The following GPT2 variants were observed in gnomAD, a reference collection of about 807,000 sequenced individuals.
The protein encoded by GPT2 is glutamic--pyruvic transaminase 2, also known as alanine aminotransferase 2.
Under a neutral mutation model 56.9 loss-of-function variants are expected in GPT2, and 30 were observed. The observed-to-expected ratio is 0.53, with a 90% CI of 0.39 to 0.72. The LOEUF is 0.72. Among genes scored for constraint, GPT2 ranks in the 30% least tolerant of loss-of-function variants. The probability of loss-of-function intolerance (pLI) is 0.00; values close to 1 mark genes in which losing one functional copy is unlikely to be tolerated. For missense variants in GPT2, 542 were observed against 703.4 expected (o/e 0.77, Z 2.60); for synonymous variants, 271 against 283.1 (o/e 0.96, Z 0.43).
intron 8 of GPT2, among the ~76,000 whole-genome samples, chr16:46,920,793 G>A (rs1326169137): frequency 6.6e-6 from 1 of 151,978 alleles, no homozygotes; most frequent in East Asian, 1.9e-4. Flanking sequence ...CTTTTGCTCT[G>A]TAGCTCTTTT....
intron 10 of GPT2, 35 bp downstream of exon 10, chr16:46,924,579 C>G (rs757510114): frequency 2.7e-5 from 44 of 1,608,406 alleles, no homozygotes; most frequent in Non-Finnish European, 3.7e-5. Flanking sequence ...TCTCTCTTAC[C>G]AGGTTCACCT....
At chr16:46,925,120 C>T (rs775485457) in intron 10 of GPT2, among the ~76,000 whole-genome samples, 6 of 151,990 alleles carry the variant, frequency 3.9e-5, no homozygotes, top group Admixed American at 6.6e-5. Flanking sequence ...CTTTGTTGCC[C>T]GGGCTGGTTG....
rs778445616 is a variant in GPT2, at chr16:46,897,690, G to A, written c.286G>A (p.Gly96Arg). The A allele has an allele frequency of 1.7e-5, 28 of 1,613,982 alleles. No individual in the cohort carries two copies. The Admixed American group carries it at 4.0e-4, about 23-fold the overall frequency. The change falls in exon 3 of 12, where the codon GGG (glycine) becomes AGG (arginine). Residue 96 changes from glycine to arginine, a missense_variant. Physicochemically the swap from Gly to Arg is moderately radical, Grantham distance 125. Coordinates refer to ENST00000340124, the MANE Select transcript of GPT2 (RefSeq NM_133443.4). Reference protein sequence around the residue: ...PFTEVIRANIGDAQAMGQQPI... With the variant: ...PFTEVIRANIRDAQAMGQQPI... ...CACAGAGGTCATCCGAGCCAACATC[G>A]GGGACGCCCAGGCTATGGGGCAGCA...
At chr16:46,896,707 C>T (rs762517407) in intron 2 of GPT2, among the ~76,000 whole-genome samples, 3 of 152,166 alleles carry the variant, frequency 2.0e-5, no homozygotes, top group Admixed American at 6.5e-5. Context: ...ACACATCTGG[C>T]CCGGAGCTGC....
intron 7 of GPT2, 34 bp from the exon 8 acceptor site, chr16:46,918,587 C>A (rs936258040): frequency 4.3e-6 from 7 of 1,610,292 alleles, no homozygotes; most frequent in African/African-American, 1.3e-5. Context: ...TCTTTGAGGA[C>A]CCTTTGGTGA....
chr16:46,906,138 A>G (rs1000008639), intron 4 of GPT2, among the ~76,000 whole-genome samples: 5 of 152,110 alleles, frequency 3.3e-5, no homozygotes, highest in Admixed American at 2.6e-4. Flanking sequence ...CAGTGGTGTC[A>G]TCATAGCTCA....
chr16:46,884,832 C>G lies in GPT2; in HGVS notation c.117C>G (p.Pro39=). 7 of 1,540,220 alleles carry G rather than the reference C, an allele frequency of 4.5e-6. No homozygotes were observed. Among genetic ancestry groups the G allele is most frequent in the Non-Finnish European group, 6.1e-6 (7 of 1,143,422 alleles). Residue 39 remains proline (P), a synonymous_variant, in exon 2 of 12, where the codon CCC becomes CCG. Coordinates refer to ENST00000340124, the MANE Select transcript of GPT2 (RefSeq NM_133443.4). ...AEASAVLKVR[P]ERSRRERILT... ...CCTCGGCGGTGCTCAAGGTGCGGCC[C>G]GAGCGCAGCCGGCGCGAGCGCATCC... is the stretch of plus-strand genomic sequence containing the variant.
intron 3 of GPT2, among the ~76,000 whole-genome samples, chr16:46,899,035 A>ATTT (rs1188592006): frequency 5.2e-5 from 4 of 77,176 alleles, no homozygotes; most frequent in African/African-American, 2.7e-4. Context: ...ATATATATAT[A>ATTT]TTTTTTTTTT....
chr16:46,890,907 C>G (rs997648945), intron 2 of GPT2, among the ~76,000 whole-genome samples: 3 of 152,012 alleles, frequency 2.0e-5, no homozygotes, highest in Non-Finnish European at 4.4e-5. Context: ...GAGTTTCGCT[C>G]TTGTTGCCCA....
Position 46,885,537 on chromosome 16 carries a change from G to A in GPT2, c.243+579G>A, listed in dbSNP as rs964783507. On this transcript the variant is annotated intron_variant, in intron 2 of 11. Transcript: ENST00000340124. ...TTCCTTTAGGCCCCTCTGGAGCCTT[G>A]GCCGACCAGCCACTTCTGTGGTCTG... The A allele has an allele frequency of 2.9e-5, 29 of 985,130 alleles. No homozygotes were observed. The Admixed American group carries it at 7.4e-4, about 25-fold the overall frequency. The allele number at this position is 985,130 out of a possible 1,614,324, so 61.0% of individuals were successfully genotyped here. A position where few individuals can be genotyped will look rare whatever the true frequency, so the allele number is the denominator to read the frequency against.
chr16:46,904,103 G>T (rs980988929), intron 4 of GPT2, among the ~76,000 whole-genome samples: 1 of 152,244 alleles, frequency 6.6e-6, no homozygotes, highest in South Asian at 2.1e-4. Context: ...GAGTTTGGCA[G>T]TGGGTCCTCA....
intron 2 of GPT2, among the ~76,000 whole-genome samples, chr16:46,892,679 G>T (rs1213160230): frequency 1.3e-5 from 2 of 152,090 alleles, no homozygotes; most frequent in Non-Finnish European, 2.9e-5. Flanking sequence ...TAGATGTTTT[G>T]CATCTTTTTC....
intron 8 of GPT2, among the ~76,000 whole-genome samples, chr16:46,920,523 G>A (rs915132880): frequency 1.3e-5 from 2 of 152,266 alleles, no homozygotes; most frequent in African/African-American, 4.8e-5. Context: ...GGAGAGACCA[G>A]TGGGTTTGCA....
chr16:46,922,380 G>A lies in GPT2; in HGVS notation c.1176G>A (p.Pro392=), dbSNP rs35148330. ...QAAMDIVVNP[P]VAGEESFEQF... ...CCATGGACATTGTCGTGAACCCCCC[G>A]GTGGCAGGAGAGGAGTCCTTTGAGC... Residue 392 remains proline, a synonymous_variant, in exon 9 of 12, where the codon CCG becomes CCA. Coordinates refer to ENST00000340124, the MANE Select transcript of GPT2 (RefSeq NM_133443.4). 48 of 1,613,446 alleles carry A rather than the reference G, an allele frequency of 3.0e-5. No homozygotes were observed. Among genetic ancestry groups the A allele is most frequent in the Admixed American group, 1.0e-4 (6 of 59,858 alleles).
At chr16:46,898,819 C>T (rs985713458) in intron 3 of GPT2, among the ~76,000 whole-genome samples, 7 of 149,048 alleles carry the variant, frequency 4.7e-5, no homozygotes, top group African/African-American at 1.2e-4. Context: ...CAAAGTGCTG[C>T]GATTACAGGC....
At chr16:46,890,135 G>A (rs1029077642) in intron 2 of GPT2, among the ~76,000 whole-genome samples, 1 of 152,346 alleles carries the variant, frequency 6.6e-6, no homozygotes, top group Admixed American at 6.5e-5. Flanking sequence ...ACAGACGTGT[G>A]TAGCTGCAGC....
chr16:46,897,951 ACT>A (rs1482484164), intron 3 of GPT2, among the ~76,000 whole-genome samples: 1 of 151,766 alleles, frequency 6.6e-6, no homozygotes, highest in Admixed American at 6.6e-5. Flanking sequence ...TCCCAGGGAG[ACT>A]CTTCCACAAG....
At chr16:46,927,290 G>T (rs1414392617) in intron 11 of GPT2, among the ~76,000 whole-genome samples, 1 of 152,180 alleles carries the variant, frequency 6.6e-6, no homozygotes, top group Non-Finnish European at 1.5e-5. Flanking sequence ...TCTCCCCTCT[G>T]CCATCGGTCC....
intron 4 of GPT2, among the ~76,000 whole-genome samples, chr16:46,902,984 C>A (rs1433827421): frequency 6.6e-6 from 1 of 152,014 alleles, no homozygotes; most frequent in Non-Finnish European, 1.5e-5. Context: ...CGTGGTGGCT[C>A]ACACCTGTAA....
Sources: gnomAD v4.1 joint callset for allele counts (sites outside exome capture counted in the v4.1 genomes callset) on GRCh38, gnomAD v4.1.1 for gene constraint, MANE v1.5 for transcripts, NCBI Gene and HGNC (gene_info 2026-07-23, HGNC 2026-07-21) for gene names.